BAALC: variants seen among roughly 807,000 people sequenced by gnomAD.
The protein encoded by BAALC is brain and acute leukemia cytoplasmic protein.
Under a neutral mutation model 15.5 loss-of-function variants are expected in BAALC, and 9 were observed. The ratio of observed to expected loss-of-function variants is 0.58; its 90% CI spans 0.35 to 1.02. The LOEUF is 1.02. BAALC is among the 50% of genes least tolerant of loss of function. The pLI is 0.02. For synonymous variants in BAALC, 80 were observed against 74.6 expected (o/e 1.07, Z -0.37); for missense variants, 201 against 192.4 (o/e 1.04, Z -0.27).
intron 1 of BAALC, among the ~76,000 whole-genome samples, chr8:103,142,585 A>C (rs1057321677): frequency 3.9e-5 from 6 of 152,194 alleles, no homozygotes; most frequent in African/African-American, 1.4e-4. Context: ...CGAAGAAATA[A>C]GGGTGAAAAG....
intron 1 of BAALC, among the ~76,000 whole-genome samples, chr8:103,143,834 G>C (rs1237871711): frequency 6.6e-6 from 1 of 152,188 alleles, no homozygotes; most frequent in African/African-American, 2.4e-5. Context: ...CCTCCGTCCT[G>C]TCAGCTCTTC....
chr8:103,182,186 G>T (rs532376384), intron 1 of BAALC, among the ~76,000 whole-genome samples: 16 of 152,296 alleles, frequency 1.1e-4, no homozygotes, highest in African/African-American at 3.9e-4. Flanking sequence ...TCATCTGCAG[G>T]TGTGCAACAT....
At chr8:103,175,421 T>A (rs1012275627) in intron 1 of BAALC, among the ~76,000 whole-genome samples, 1 of 152,246 alleles carries the variant, frequency 6.6e-6, no homozygotes, top group African/African-American at 2.4e-5. Flanking sequence ...TCATCATTTC[T>A]GAATGATATC....
At chr8:103,214,636 C>T (rs766112709) in intron 2 of BAALC, among the ~76,000 whole-genome samples, 1 of 152,188 alleles carries the variant, frequency 6.6e-6, no homozygotes, top group African/African-American at 2.4e-5. Context: ...TAACTAAAGG[C>T]CTTTCAGAAA....
At chr8:103,199,337 C>T (rs1215781136) in intron 1 of BAALC, among the ~76,000 whole-genome samples, 1 of 152,140 alleles carries the variant, frequency 6.6e-6, no homozygotes, top group African/African-American at 2.4e-5. Context: ...TTAACTTTTG[C>T]CATTCTGATG....
At chr8:103,211,229 T>C (rs1812441257) in intron 1 of BAALC, among the ~76,000 whole-genome samples, 1 of 152,210 alleles carries the variant, frequency 6.6e-6, no homozygotes. Flanking sequence ...TCTACAACTC[T>C]TATTAGATCA....
chr8:103,186,297 G>A (rs1330799210), intron 1 of BAALC, among the ~76,000 whole-genome samples: 1 of 152,166 alleles, frequency 6.6e-6, no homozygotes, highest in Non-Finnish European at 1.5e-5. Flanking sequence ...ATCCTGCGAG[G>A]AGGCAACTAT....
chr8:103,154,921 T>C (rs1177201568), intron 1 of BAALC, among the ~76,000 whole-genome samples: 1 of 33,216 alleles, frequency 3.0e-5, no homozygotes, highest in African/African-American at 8.2e-5. Flanking sequence ...TATCTCAAGC[T>C]ATATATATAT....
intron 1 of BAALC, among the ~76,000 whole-genome samples, chr8:103,143,001 G>A (rs763326196): frequency 3.9e-5 from 6 of 152,310 alleles, no homozygotes; most frequent in African/African-American, 1.4e-4. Context: ...TTGGCAAGAC[G>A]CTTGTATGGG....
At chr8:103,198,378 A>T (rs150784152) in intron 1 of BAALC, among the ~76,000 whole-genome samples, 3 of 152,156 alleles carry the variant, frequency 2.0e-5, no homozygotes, top group Non-Finnish European at 2.9e-5. Context: ...ACATGGCTCT[A>T]TTTCTTAAAA....
chr8:103,158,551 G>T (rs189707535), intron 1 of BAALC, among the ~76,000 whole-genome samples: 265 of 152,224 alleles, frequency 1.7e-3, no homozygotes, highest in Admixed American at 5.0e-3. Flanking sequence ...TTAAGTAAAA[G>T]AAGGGTGACT....
intron 1 of BAALC, among the ~76,000 whole-genome samples, chr8:103,199,705 C>T (rs1812171979): frequency 6.6e-6 from 1 of 151,598 alleles, no homozygotes; most frequent in East Asian, 1.9e-4. Flanking sequence ...AAGTTTGTTA[C>T]ACAGGTAAAC....
intron 1 of BAALC, among the ~76,000 whole-genome samples, chr8:103,211,316 G>T (rs1383519006): frequency 1.3e-5 from 2 of 152,098 alleles, no homozygotes; most frequent in Non-Finnish European, 2.9e-5. Context: ...AGAATTCCTT[G>T]GCCTGCCCTT....
intron 1 of BAALC, among the ~76,000 whole-genome samples, chr8:103,199,488 A>G (rs756189891): frequency 6.6e-5 from 10 of 152,146 alleles, no homozygotes; most frequent in Non-Finnish European, 1.2e-4. Flanking sequence ...CTAACAGCAC[A>G]GTGCTAGGCA....
At chr8:103,180,375 C>A (rs1376208080) in intron 1 of BAALC, among the ~76,000 whole-genome samples, 1 of 152,158 alleles carries the variant, frequency 6.6e-6, no homozygotes, top group Non-Finnish European at 1.5e-5. Context: ...GCTGGCTGCA[C>A]CCTGCAAGGC....
At chr8:103,187,017 G>A (rs1247717232) in intron 1 of BAALC, among the ~76,000 whole-genome samples, 1 of 152,144 alleles carries the variant, frequency 6.6e-6, no homozygotes, top group Non-Finnish European at 1.5e-5. Context: ...ATTTCAGCTG[G>A]CTCTTACAGG....
At chr8:103,160,814 C>T (rs1290245809) in intron 1 of BAALC, among the ~76,000 whole-genome samples, 1 of 152,088 alleles carries the variant, frequency 6.6e-6, no homozygotes, top group Non-Finnish European at 1.5e-5. Context: ...GGCTGGGAGG[C>T]TAGGCCAGTC....
intron 1 of BAALC, chr8:103,202,903 C>T (rs909833663): frequency 6.6e-4 from 100 of 152,378 alleles, no homozygotes; most frequent in African/African-American, 2.1e-3. Flanking sequence ...AAAGTAAGTA[C>T]GCCCTCAGAG....
In BAALC at chr8:103,227,866, C is replaced by T. The variant is rs1586449822; in HGVS notation, c.328-123C>T. 5 of 668,514 alleles carry T rather than the reference C, an allele frequency of 7.5e-6. No homozygotes were observed. In the East Asian group the frequency reaches 1.1e-4, roughly 15 times the overall value. The allele number at this position is 668,514 out of a possible 1,614,324, so 41.4% of individuals were successfully genotyped here. A position where few individuals can be genotyped will look rare whatever the true frequency, so the allele number is the denominator to read the frequency against. On this transcript the variant is annotated intron_variant, in intron 2 of 2. Transcript: ENST00000309982. ...ACAAATGTTCCTGTGATTTATGTTC[C>T]TTTTTCCCAGGCACATTCTCAACTA...
Sources: allele counts gnomAD v4.1 joint callset (sites outside exome capture counted in the v4.1 genomes callset), GRCh38; gene constraint gnomAD v4.1.1; transcripts MANE v1.5; gene names NCBI Gene and HGNC (gene_info 2026-07-23, HGNC 2026-07-21).